TTC28: variants seen among roughly 807,000 people sequenced by gnomAD.
TTC28 encodes the protein tetratricopeptide repeat protein 28.
TTC28 carries 61 observed loss-of-function variants against 198.0 expected under a neutral mutation model. The ratio of observed to expected loss-of-function variants is 0.31; its 90% CI spans 0.25 to 0.38. The LOEUF (loss-of-function observed/expected upper bound fraction) is 0.38, where lower values mean the gene tolerates loss of function less well. TTC28 is among the 10% of genes least tolerant of loss of function. The probability of loss-of-function intolerance (pLI) is 1.00; values close to 1 mark genes in which losing one functional copy is unlikely to be tolerated. For missense variants in TTC28, 2,678 were observed against 3,164.0 expected, an observed-to-expected ratio of 0.85 and a Z score of 3.69; for synonymous variants, 1,171 against 1,297.8, an observed-to-expected ratio of 0.90 and a Z score of 2.10.
chr22:28,004,945 G>C (rs1937876682), intron 14 of TTC28, among the ~76,000 whole-genome samples: 1 of 152,242 alleles, frequency 6.6e-6, no homozygotes, highest in African/African-American at 2.4e-5. Context: ...AAGGGTGTCT[G>C]CTGGCCTCTT....
chr22:28,287,394 C>A (rs2044705296), intron 5 of TTC28, among the ~76,000 whole-genome samples: 1 of 152,074 alleles, frequency 6.6e-6, no homozygotes, highest in South Asian at 2.1e-4. Context: ...TTTTCTTAAA[C>A]AAGACACAAA....
At chr22:28,130,365 C>T (rs1943032916) in intron 6 of TTC28, among the ~76,000 whole-genome samples, 1 of 152,232 alleles carries the variant, frequency 6.6e-6, no homozygotes, top group South Asian at 2.1e-4. Context: ...TCTTCCACCA[C>T]TTTATAACAA....
intron 12 of TTC28, among the ~76,000 whole-genome samples, chr22:28,066,300 GT>G (rs1348317992): frequency 2.1e-4 from 32 of 151,008 alleles, no homozygotes; most frequent in African/African-American, 5.2e-4. Flanking sequence ...GTGTGTGTGT[GT>G]GTGGTGTGTG....
intron 2 of TTC28, among the ~76,000 whole-genome samples, chr22:28,337,670 T>A (rs1292316923): frequency 6.6e-6 from 1 of 152,198 alleles, no homozygotes; most frequent in East Asian, 1.9e-4. Flanking sequence ...AACACCTGCC[T>A]TTTTTTGTTT....
intron 2 of TTC28, among the ~76,000 whole-genome samples, chr22:28,314,740 G>C (rs1043728690): frequency 6.6e-6 from 1 of 152,084 alleles, no homozygotes; most frequent in Non-Finnish European, 1.5e-5. Flanking sequence ...AGATGTAGTG[G>C]CATGTGCCTG....
intron 2 of TTC28, among the ~76,000 whole-genome samples, chr22:28,544,886 C>T (rs1316631888): frequency 6.6e-6 from 1 of 152,204 alleles, no homozygotes; most frequent in East Asian, 1.9e-4. Flanking sequence ...TTGCCCACCT[C>T]TTTCCCAGAA....
chr22:28,163,858 T>C lies in TTC28; in HGVS notation c.934-259A>G, dbSNP rs535132221. Among the ~76,000 whole-genome samples, 153 of 152,306 alleles carry C rather than the reference T, an allele frequency of 1.0e-3. 1 individual carries two copies. The highest frequency in any genetic ancestry group is 3.5e-3 in the African/African-American group (145 of 41,570). The stretch of plus-strand genomic sequence containing the variant: ...AAGCACGGCGAGGCATTGCCTCACC[T>C]GGGAAGCACAAGGGGTCAAGGAATT... On this transcript the variant is annotated intron_variant, in intron 5 of 22. Coordinates refer to ENST00000397906, the MANE Select transcript of TTC28 (RefSeq NM_001145418.2).
At chr22:28,035,645 T>C (rs916592068) in intron 12 of TTC28, among the ~76,000 whole-genome samples, 3 of 152,196 alleles carry the variant, frequency 2.0e-5, no homozygotes, top group African/African-American at 4.8e-5. Context: ...CACCCATTTT[T>C]CCCAGTAGCC....
chr22:28,366,653 G>A (rs1411664355), intron 2 of TTC28, among the ~76,000 whole-genome samples: 1 of 151,960 alleles, frequency 6.6e-6, no homozygotes, highest in Non-Finnish European at 1.5e-5. Flanking sequence ...GAAGCTGAAT[G>A]GATGAGAAAA....
chr22:28,336,338 T>C (rs1439559725), intron 2 of TTC28, among the ~76,000 whole-genome samples: 4 of 152,224 alleles, frequency 2.6e-5, no homozygotes, highest in African/African-American at 9.6e-5. Context: ...GTTATCAGGA[T>C]AATGCTGGCC....
chr22:28,188,255 T>C lies in TTC28; in HGVS notation c.934-24656A>G, dbSNP rs562885253. On this transcript the variant is annotated intron_variant, in intron 5 of 22. Coordinates refer to ENST00000397906, the MANE Select transcript of TTC28 (RefSeq NM_001145418.2). ...ATAAAAACAAAAAGACTGAAAAAGA[T>C]GACAGTAGATGAAAGATATCCACAA... Among the ~76,000 whole-genome samples the C allele has an allele frequency of 1.2e-4, 18 of 152,182 alleles. No individual in the cohort carries two copies. In the South Asian group the frequency reaches 3.7e-3, roughly 32 times the overall value.
At chr22:28,321,175 T>C (rs1193914714) in intron 2 of TTC28, among the ~76,000 whole-genome samples, 1 of 152,188 alleles carries the variant, frequency 6.6e-6, no homozygotes, top group Admixed American at 6.5e-5. Flanking sequence ...TTGTTTCTCT[T>C]TGATTTAAAT....
At chr22:28,556,914 T>C (rs567840815) in intron 2 of TTC28, among the ~76,000 whole-genome samples, 10 of 152,348 alleles carry the variant, frequency 6.6e-5, no homozygotes, top group African/African-American at 2.4e-4. Context: ...ACATGGTGAT[T>C]GGCTTCATCC....
chr22:28,073,057 AAAG>A (rs1941051599), intron 12 of TTC28, among the ~76,000 whole-genome samples: 1 of 152,206 alleles, frequency 6.6e-6, no homozygotes, highest in Non-Finnish European at 1.5e-5. Flanking sequence ...GCATGGGAGA[AAAG>A]AAGGGGTGAT....
At chr22:28,330,441 T>C (rs930112590) in intron 2 of TTC28, among the ~76,000 whole-genome samples, 4 of 152,298 alleles carry the variant, frequency 2.6e-5, no homozygotes, top group African/African-American at 9.6e-5. Context: ...TTGCACCACA[T>C]GATTATGGTG....
At chr22:28,380,208 C>T (rs532315517) in intron 2 of TTC28, among the ~76,000 whole-genome samples, 4 of 151,926 alleles carry the variant, frequency 2.6e-5, no homozygotes, top group African/African-American at 9.6e-5. Flanking sequence ...GAGCTGAAAG[C>T]CCCACTGTTA....
chr22:28,368,172 T>G (rs1039408958), intron 2 of TTC28, among the ~76,000 whole-genome samples: 1 of 151,932 alleles, frequency 6.6e-6, no homozygotes, highest in East Asian at 1.9e-4. Flanking sequence ...TACTAGCATA[T>G]TGGATTCAAC....
intron 12 of TTC28, among the ~76,000 whole-genome samples, chr22:28,061,911 T>C (rs1940557262): frequency 6.6e-6 from 1 of 152,228 alleles, no homozygotes; most frequent in South Asian, 2.1e-4. Context: ...TGGTTTGTAG[T>C]TCTCCTTGAA....
Position 28,296,339 on chromosome 22 carries a change from T to G in TTC28, c.803-11A>C. The G allele has an allele frequency of 6.7e-7, 1 of 1,498,660 alleles. No individual in the cohort carries two copies. 92.8% of individuals were successfully genotyped at this position (1,498,660 alleles called of 1,614,324 possible). A position where few individuals can be genotyped will look rare whatever the true frequency, so the allele number is the denominator to read the frequency against. ...CTCCTGTCTGGTCACCTGGATTGAA[T>G]TGAGAAAAAAAAAAAGAAAAAATTT... On this transcript the variant is annotated splice_polypyrimidine_tract_variant and intron_variant, in intron 4 of 22. Coordinates refer to ENST00000397906, the MANE Select transcript of TTC28 (RefSeq NM_001145418.2).
Sources: gnomAD v4.1 joint callset for allele counts (sites outside exome capture counted in the v4.1 genomes callset) on GRCh38, gnomAD v4.1.1 for gene constraint, MANE v1.5 for transcripts, NCBI Gene and HGNC (gene_info 2026-07-23, HGNC 2026-07-21) for gene names.